GAD2: variants seen among roughly 807,000 people sequenced by gnomAD.
GAD2 encodes the protein 65 kDa glutamic acid decarboxylase.
Under a neutral mutation model 80.1 loss-of-function variants are expected in GAD2, and 22 were observed. The ratio of observed to expected loss-of-function variants is 0.27; its 90% confidence interval spans 0.20 to 0.39. The LOEUF (loss-of-function observed/expected upper bound fraction) is 0.39. Ranked by LOEUF, GAD2 falls within the 10% of genes least tolerant of loss-of-function variation. GAD2 has a pLI of 1.00. For missense variants in GAD2, 624 were observed against 738.4 expected, an observed-to-expected ratio of 0.85 and a Z score of 1.80; for synonymous variants, 274 against 256.9, an observed-to-expected ratio of 1.07 and a Z score of -0.64.
intron 8 of GAD2, among the ~76,000 whole-genome samples, chr10:26,255,604 A>AGAAG (rs145314243): frequency 7.2e-6 from 1 of 139,544 alleles, no homozygotes; most frequent in Non-Finnish European, 1.5e-5. Context: ...ATGGAAGGAA[A>AGAAG]GAAGGAAGGA....
chr10:26,228,796 C>A (rs1474592274), intron 6 of GAD2, among the ~76,000 whole-genome samples: 1 of 152,084 alleles, frequency 6.6e-6, no homozygotes, highest in Non-Finnish European at 1.5e-5. Context: ...GCATTCTCCA[C>A]CCCACCCCCA....
intron 7 of GAD2, among the ~76,000 whole-genome samples, chr10:26,236,948 T>C (rs1844679271): frequency 1.3e-5 from 2 of 152,144 alleles, no homozygotes; most frequent in Admixed American, 6.5e-5. Flanking sequence ...ATGTAAGCAA[T>C]AGGTAAGACC....
intron 15 of GAD2, among the ~76,000 whole-genome samples, chr10:26,293,894 T>C (rs959215884): frequency 3.9e-5 from 6 of 152,226 alleles, no homozygotes; most frequent in African/African-American, 1.4e-4. Flanking sequence ...ATCTTGCTGA[T>C]GGAGAAACTG....
intron 4 of GAD2, among the ~76,000 whole-genome samples, chr10:26,220,082 T>C (rs915136519): frequency 2.0e-5 from 3 of 152,224 alleles, no homozygotes; most frequent in African/African-American, 7.2e-5. Context: ...TTTCATGTTA[T>C]CTACACAAAG....
At chr10:26,256,963 G>T (rs1039776906) in intron 8 of GAD2, among the ~76,000 whole-genome samples, 1 of 152,128 alleles carries the variant, frequency 6.6e-6, no homozygotes, top group Non-Finnish European at 1.5e-5. Flanking sequence ...TTCTAACTCC[G>T]TCATTCCTTC....
Position 26,217,680 on chromosome 10 carries a change from A to T in GAD2, c.136+11A>T, listed in dbSNP as rs755809144. 1.1e-4 allele frequency: 183 copies of T among 1,612,910 alleles called. No homozygotes were observed. The highest frequency in any genetic ancestry group is 1.4e-4 in the Non-Finnish European group (170 of 1,179,532). On this transcript the variant is annotated intron_variant, in intron 2 of 15. Transcript: ENST00000376261. This position sits in a 1 kb window ranked among gnomAD's most constrained non-coding sequence, Gnocchi z 4.9. ...GAAACAAACTGTGCGGTGAGTGCCCAGGGACCGGGGCGGCCAAGGTCGGCC... is the reference window on the plus strand; with the variant it reads ...GAAACAAACTGTGCGGTGAGTGCCCTGGGACCGGGGCGGCCAAGGTCGGCC...
At chr10:26,291,917 C>A (rs968536581) in intron 13 of GAD2, among the ~76,000 whole-genome samples, 1 of 152,168 alleles carries the variant, frequency 6.6e-6, no homozygotes, top group African/African-American at 2.4e-5. Flanking sequence ...GTACAGAGCT[C>A]GACAGGCTAA....
In GAD2 at chr10:26,257,302, G is replaced by A. The variant is rs188172589; in HGVS notation, c.920+11302G>A. ...TGAGGCAGGAAAATCACTTGAACCC[G>A]GGAGGCAGAGGTTGCAGTGAGCCAA... On this transcript the variant is annotated intron_variant, in intron 8 of 15. Coordinates refer to ENST00000376261, the MANE Select transcript of GAD2 (RefSeq NM_001134366.2). Among the ~76,000 whole-genome samples, 324 of 152,242 alleles carry A rather than the reference G, an allele frequency of 2.1e-3. 1 individual carries two copies. The highest frequency in any genetic ancestry group is 7.4e-3 in the African/African-American group (308 of 41,544).
At chr10:26,294,134 C>T (rs1834248687) in intron 15 of GAD2, among the ~76,000 whole-genome samples, 1 of 152,188 alleles carries the variant, frequency 6.6e-6, no homozygotes, top group Non-Finnish European at 1.5e-5. Context: ...ACTTGGATCT[C>T]AGAGTTGATT....
chr10:26,292,393 G>A (rs1834225500), intron 13 of GAD2, 72 bp from the exon 14 acceptor site: 3 of 1,099,936 alleles, frequency 2.7e-6, no homozygotes, highest in Admixed American at 1.8e-5. Flanking sequence ...CAGGATGACG[G>A]TCAGTCTCCA....
intron 7 of GAD2, among the ~76,000 whole-genome samples, chr10:26,244,591 G>A (rs1392579062): frequency 6.6e-6 from 1 of 152,162 alleles, no homozygotes; most frequent in East Asian, 1.9e-4. Flanking sequence ...CAACATGGAT[G>A]AACCTTGAGG....
In GAD2 at chr10:26,273,622, T is replaced by C. The variant is rs534671132; in HGVS notation, c.1093-14T>C. ...ACAAACTGCTACCATTTTCCTCATA[T>C]GATTTTTTTTCAGGCAGCTTGGGGT... On this transcript the variant is annotated splice_polypyrimidine_tract_variant and intron_variant, in intron 10 of 15. Coordinates refer to ENST00000376261, the MANE Select transcript of GAD2 (RefSeq NM_001134366.2). The C allele has an allele frequency of 6.8e-6, 11 of 1,611,574 alleles. No individual in the cohort carries two copies. Among genetic ancestry groups the C allele is most frequent in the South Asian group, 6.6e-5 (6 of 90,934 alleles).
intron 11 of GAD2, among the ~76,000 whole-genome samples, chr10:26,279,064 A>C (rs936088674): frequency 6.6e-6 from 1 of 151,778 alleles, no homozygotes; most frequent in Non-Finnish European, 1.5e-5. Flanking sequence ...CCTTTATGCC[A>C]CTCATGAAAC....
At chr10:26,290,493 G>C (rs1834202116) in intron 13 of GAD2, among the ~76,000 whole-genome samples, 1 of 152,220 alleles carries the variant, frequency 6.6e-6, no homozygotes. Context: ...GGAGTTCAGT[G>C]CATATTATGA....
intron 12 of GAD2, among the ~76,000 whole-genome samples, chr10:26,281,930 G>A (rs1445341110): frequency 6.6e-6 from 1 of 152,080 alleles, no homozygotes; most frequent in Non-Finnish European, 1.5e-5. Flanking sequence ...AATTTTAAAT[G>A]TTGATCTTCA....
Position 26,301,734 on chromosome 10 carries a change from C to T in GAD2, c.*773C>T, listed in dbSNP as rs189846981. ...TCAAGACAAACACAAAAGAATACTG[C>T]GAGTTCTTTAAAATAATTGATCCCA... On this transcript the variant is annotated 3_prime_UTR_variant, in exon 16 of 16. Coordinates refer to ENST00000376261, the MANE Select transcript of GAD2 (RefSeq NM_001134366.2). The T allele has an allele frequency of 2.0e-5, 3 of 152,214 alleles. No homozygotes were observed. Among genetic ancestry groups the T allele is most frequent in the East Asian group, 1.9e-4 (1 of 5,186 alleles). The allele number at this position is 152,214 out of a possible 1,614,324, so 9.4% of individuals were successfully genotyped here.
chr10:26,269,284 A>C, intron 9 of GAD2, 111 bp downstream of exon 9: 1 of 779,858 alleles, frequency 1.3e-6, no homozygotes, highest in Non-Finnish European at 2.0e-6. Flanking sequence ...TCAATCTCCC[A>C]GGTTTAATGA....
At chr10:26,289,436 A>T (rs1290291106) in intron 13 of GAD2, among the ~76,000 whole-genome samples, 2 of 152,212 alleles carry the variant, frequency 1.3e-5, no homozygotes, top group Non-Finnish European at 2.9e-5. Context: ...AGTATAAATT[A>T]TTCTTTGAAC....
chr10:26,252,265 T>A (rs917690371), intron 8 of GAD2, among the ~76,000 whole-genome samples: 2 of 152,170 alleles, frequency 1.3e-5, no homozygotes, highest in African/African-American at 4.8e-5. Flanking sequence ...AATGTCCCAG[T>A]GAAAGAGAAT....
Sources: gnomAD v4.1 joint callset for allele counts (sites outside exome capture counted in the v4.1 genomes callset) on GRCh38, gnomAD v4.1.1 for gene constraint, Gnocchi (gnomAD v3.1) non-coding constraint, MANE v1.5 for transcripts, NCBI Gene and HGNC (gene_info 2026-07-23, HGNC 2026-07-21) for gene names.